Variants in RFC3 observed in about 807,000 individuals in gnomAD.
RFC3 encodes A1 38 kDa subunit.
A neutral mutation model predicts 45.1 loss-of-function variants in RFC3; 41 were observed. That is an observed-to-expected ratio of 0.91 (90% confidence interval 0.71 to 1.18). The LOEUF is 1.18. RFC3 is among the 50% of genes most tolerant of loss of function. RFC3 has a pLI of 0.00. For synonymous variants in RFC3, 149 were observed against 144.0 expected, an observed-to-expected ratio of 1.03 and a Z score of -0.25; for missense variants, 423 against 428.1, an observed-to-expected ratio of 0.99 and a Z score of 0.10.
At chr13:33,977,252 GTCTA>G in the RFC3 span, among the ~76,000 whole-genome samples, 53 of 152,282 alleles carry the variant, frequency 3.5e-4, no homozygotes, top group African/African-American at 1.2e-3. Context: ...ATTAACTGCG[GTCTA>G]TCTATCATAG....
chr13:33,924,943 T>C (rs1321291937), intron 8 of RFC3, among the ~76,000 whole-genome samples: 1 of 150,490 alleles, frequency 6.6e-6, no homozygotes, highest in Non-Finnish European at 1.5e-5. Flanking sequence ...CTAGGTGAGA[T>C]GATAGATGTG....
intron 7 of RFC3, among the ~76,000 whole-genome samples, chr13:33,832,515 A>G (rs2082114379): frequency 6.6e-6 from 1 of 152,208 alleles, no homozygotes; most frequent in South Asian, 2.1e-4. Flanking sequence ...TGGATCATAC[A>G]TAGTGGGTAC....
chr13:33,838,683 G>C (rs2082175714), downstream of RFC3, among the ~76,000 whole-genome samples: 1 of 151,986 alleles, frequency 6.6e-6, no homozygotes, highest in Admixed American at 6.6e-5. Context: ...ATTATTATGA[G>C]TTGTATTAGT....
At chr13:33,832,542 G>A (rs557132189) in intron 7 of RFC3, among the ~76,000 whole-genome samples, 1 of 152,162 alleles carries the variant, frequency 6.6e-6, no homozygotes, top group Non-Finnish European at 1.5e-5. Context: ...TTTCATTTAA[G>A]GTTTGCTTTG....
At chr13:33,908,059 T>G (rs2082681900) in intron 8 of RFC3, among the ~76,000 whole-genome samples, 1 of 151,974 alleles carries the variant, frequency 6.6e-6, no homozygotes, top group Admixed American at 6.6e-5. Flanking sequence ...TTATTTTCTT[T>G]TTAAGGATAT....
chr13:33,858,686 A>T (rs1017495024), intron 8 of RFC3, among the ~76,000 whole-genome samples: 2 of 152,232 alleles, frequency 1.3e-5, no homozygotes, highest in Non-Finnish European at 2.9e-5. Flanking sequence ...AGTGGGGCAT[A>T]TGATTGCACT....
chr13:33,893,145 G>A (rs1271254989), intron 8 of RFC3, among the ~76,000 whole-genome samples: 2 of 152,142 alleles, frequency 1.3e-5, no homozygotes, highest in African/African-American at 4.8e-5. Flanking sequence ...AAAGGGAGAT[G>A]CCAAATCAGA....
chr13:33,826,828 C>G (rs2082053739), intron 4 of RFC3, among the ~76,000 whole-genome samples: 1 of 151,572 alleles, frequency 6.6e-6, no homozygotes, highest in Non-Finnish European at 1.5e-5. Flanking sequence ...ACTTTTTCTT[C>G]TCTAATTATG....
chr13:33,867,224 C>G (rs1242256240), intron 8 of RFC3, among the ~76,000 whole-genome samples: 3 of 152,138 alleles, frequency 2.0e-5, no homozygotes, highest in African/African-American at 4.8e-5. Flanking sequence ...TTTACAAAAT[C>G]CAGAATACAC....
intron 8 of RFC3, among the ~76,000 whole-genome samples, chr13:33,953,647 C>T (rs1428529795): frequency 6.6e-6 from 1 of 152,104 alleles, no homozygotes; most frequent in African/African-American, 2.4e-5. Flanking sequence ...TTCCCAAAGT[C>T]AGCTAGAATT....
the RFC3 span, among the ~76,000 whole-genome samples, chr13:33,977,000 T>C: frequency 6.6e-6 from 1 of 152,176 alleles, no homozygotes; most frequent in East Asian, 1.9e-4. Context: ...ACTTTACTTC[T>C]GTGGGCTTCC....
chr13:33,944,161 T>C (rs925194705), intron 8 of RFC3, among the ~76,000 whole-genome samples: 3 of 152,222 alleles, frequency 2.0e-5, no homozygotes, highest in Non-Finnish European at 4.4e-5. Flanking sequence ...TGTGTATTTG[T>C]GTCCTCTATT....
chr13:33,927,307 A>G (rs2082820139), intron 8 of RFC3, among the ~76,000 whole-genome samples: 1 of 152,142 alleles, frequency 6.6e-6, no homozygotes, highest in South Asian at 2.1e-4. Context: ...TCCTAAGACC[A>G]AAGGGAAAGT....
intron 2 of RFC3, among the ~76,000 whole-genome samples, chr13:33,823,520 C>CT (rs777087357): frequency 6.6e-6 from 1 of 151,936 alleles, no homozygotes; most frequent in Non-Finnish European, 1.5e-5. Context: ...GTATGATTTC[C>CT]TTTTTTTAAT....
intron 8 of RFC3, among the ~76,000 whole-genome samples, chr13:33,895,377 C>T (rs1383940438): frequency 2.6e-5 from 4 of 152,088 alleles, no homozygotes; most frequent in Admixed American, 2.6e-4. Flanking sequence ...GGCCAAAAAA[C>T]ATATAAAAAT....
At chr13:33,952,699 C>T (rs2082998331) in intron 8 of RFC3, among the ~76,000 whole-genome samples, 1 of 152,166 alleles carries the variant, frequency 6.6e-6, no homozygotes, top group Non-Finnish European at 1.5e-5. Context: ...GAGATGATGG[C>T]CCTTTTCTCC....
At position 33,837,213 on chromosome 13, in the gene RFC3, C is replaced by A. The variant is rs775845575; in HGVS notation, c.*918C>A. ...ACCCCAAAAAGTTCCCTCCATATCC[C>A]TTTGCAGTCAGTTCATCCCTACCCT... On this transcript the variant is annotated 3_prime_UTR_variant, in exon 9 of 9. Coordinates refer to ENST00000380071, the MANE Select transcript of RFC3 (RefSeq NM_002915.4). 4.1e-5 allele frequency: 8 copies of A among 193,838 alleles called. No individual in the cohort carries two copies. The highest frequency in any genetic ancestry group is 7.5e-5 in the Non-Finnish European group (8 of 106,326). 12.0% of individuals were successfully genotyped at this position (193,838 alleles called of 1,614,324 possible).
chr13:33,953,193 T>C (rs1333352651), intron 8 of RFC3, among the ~76,000 whole-genome samples: 1 of 152,142 alleles, frequency 6.6e-6, no homozygotes, highest in Non-Finnish European at 1.5e-5. Context: ...AATGGATGGA[T>C]GTTCCGTATT....
chr13:33,973,846 T>C, the RFC3 span, among the ~76,000 whole-genome samples: 1 of 152,068 alleles, frequency 6.6e-6, no homozygotes, highest in African/African-American at 2.4e-5. Flanking sequence ...AGATGGGGTT[T>C]TACCATGTTG....
Sources: allele counts gnomAD v4.1 joint callset (sites outside exome capture counted in the v4.1 genomes callset), GRCh38; gene constraint gnomAD v4.1.1; transcripts MANE v1.5; gene names NCBI Gene and HGNC (gene_info 2026-07-23, HGNC 2026-07-21).